ZKSCAN3: variants seen among roughly 807,000 people sequenced by gnomAD.
The protein encoded by ZKSCAN3 is zinc finger protein with KRAB and SCAN domains 3.
In ZKSCAN3, 21 loss-of-function variants were observed where a neutral mutation model predicts 30.7. The observed-to-expected ratio is 0.68, with a 90% CI of 0.49 to 0.99. The LOEUF is 0.99. Ranked by LOEUF, ZKSCAN3 falls within the 50% of genes least tolerant of loss-of-function variation. The pLI is 0.00. For synonymous variants in ZKSCAN3, 201 were observed against 246.7 expected (o/e 0.81, Z 1.73); for missense variants, 507 against 647.1 (o/e 0.78, Z 2.35).
rs771018060 is a variant in ZKSCAN3 at position 28,366,331 on chromosome 6, G to A, written c.*46G>A. ...GTTGGTGCTCATTTGTCACTGATCT[G>A]AAGCCACTCCCCCTGGAGTCTCAAC... On this transcript the variant is annotated 3_prime_UTR_variant, in exon 6 of 6. Coordinates refer to ENST00000252211, the MANE Select transcript of ZKSCAN3 (RefSeq NM_024493.4). 6.7e-7 allele frequency: 1 copy of A among 1,491,486 alleles called. No homozygotes were observed. The highest frequency in any genetic ancestry group is 1.4e-5 in the African/African-American group (1 of 71,528). The allele number at this position is 1,491,486 out of a possible 1,614,324, so 92.4% of individuals were successfully genotyped here.
At position 28,368,617 on chromosome 6, in the gene ZKSCAN3, CTT is replaced by C. The variant is rs10549833; in HGVS notation, c.*2335_*2336del. The C allele has an allele frequency of 0.23, 35,445 of 154,478 alleles. 4,862 individuals carry two copies. The highest frequency in any genetic ancestry group is 0.39 in the African/African-American group (15,975 of 41,470). The allele number at this position is 154,478 out of a possible 1,614,324, so 9.6% of individuals were successfully genotyped here. ...TTCGGAATGACTATTCTGCTGCAAA[CTT>C]TTGTGTAAGCGCTTCACCTTATTCC... On this transcript the variant is annotated 3_prime_UTR_variant, in exon 6 of 6. Coordinates refer to ENST00000252211, the MANE Select transcript of ZKSCAN3 (RefSeq NM_024493.4).
chr6:28,363,429 T>C, intron 4 of ZKSCAN3, 44 bp downstream of exon 4: 1 of 1,578,296 alleles, frequency 6.3e-7, no homozygotes, highest in Non-Finnish European at 8.7e-7. Context: ...CTCACTACTA[T>C]TGAGCTTCCT....
At position 28,368,515 on chromosome 6, in the gene ZKSCAN3, G is replaced by A; in HGVS notation, c.*2230G>A. 1 of 152,048 alleles carries A rather than the reference G, an allele frequency of 6.6e-6. No homozygotes were observed. The highest frequency in any genetic ancestry group is 1.5e-5 in the Non-Finnish European group (1 of 68,000). 9.4% of individuals were successfully genotyped at this position (152,048 alleles called of 1,614,324 possible). A position where few individuals can be genotyped will look rare whatever the true frequency, so the allele number is the denominator to read the frequency against. The stretch of plus-strand genomic sequence containing the variant: ...AAAATTTTAGTCTGTGTATTCAAGT[G>A]AGAAAATTTTTAGTCAGCATTATAC... On this transcript the variant is annotated 3_prime_UTR_variant, in exon 6 of 6. Coordinates refer to ENST00000252211, the MANE Select transcript of ZKSCAN3 (RefSeq NM_024493.4).
In ZKSCAN3 at chr6:28,361,306, A is replaced by G; in HGVS notation, c.403-18A>G. On this transcript the variant is annotated intron_variant, in intron 2 of 5. Transcript: ENST00000252211. ...AGTGTTTGATGAAAACATGAAAATA[A>G]GAACAAATGATTTCTAGGTTTCAGG... 6.2e-7 allele frequency: 1 copy of G among 1,608,794 alleles called. No individual in the cohort carries two copies. Among genetic ancestry groups the G allele is most frequent in the South Asian group, 1.1e-5 (1 of 89,238 alleles).
chr6:28,363,613 C>T lies in ZKSCAN3; in HGVS notation c.634-79C>T, dbSNP rs1436604588. ...TTACTAGCTGTTGGCAGGAATGGGG[C>T]CTGGGGGTGCTTCCCAGATCTTCCC... On this transcript the variant is annotated intron_variant, in intron 4 of 5. Transcript: ENST00000252211. 2.5e-6 allele frequency: 4 copies of T among 1,598,068 alleles called. No individual in the cohort carries two copies. In the East Asian group the frequency reaches 9.0e-5, roughly 36 times the overall value.
At chr6:28,361,848 C>T (rs11751487) in intron 3 of ZKSCAN3, among the ~76,000 whole-genome samples, 11,492 of 151,844 alleles carry the variant, frequency 0.076, 548 homozygotes, top group East Asian at 0.13. Context: ...ACTTCCTGGG[C>T]TCAAGCGATC....
intron 3 of ZKSCAN3, 113 bp downstream of exon 3, chr6:28,361,584 C>G: frequency 1.6e-6 from 2 of 1,238,526 alleles, no homozygotes; most frequent in African/African-American, 1.5e-5. Flanking sequence ...CAGATCAACT[C>G]TCATTTAAGA....
intron 1 of ZKSCAN3, chr6:28,353,916 T>C (rs1363457173): frequency 2.2e-6 from 1 of 455,638 alleles, no homozygotes; most frequent in East Asian, 6.9e-5. Context: ...AGGGGAGTTG[T>C]TGGATGGGTG....
intron 3 of ZKSCAN3, among the ~76,000 whole-genome samples, 183 bp downstream of exon 3, chr6:28,361,654 A>T (rs1473831267): frequency 1.3e-5 from 2 of 152,216 alleles, no homozygotes; most frequent in Admixed American, 6.5e-5. Context: ...CCAAGACTGG[A>T]CATAGTAAAT....
At chr6:28,353,949 G>A (rs1447064184) in intron 1 of ZKSCAN3, 2 of 454,918 alleles carry the variant, frequency 4.4e-6, no homozygotes, top group Non-Finnish European at 8.8e-6. Context: ...AAGAACACTC[G>A]GGGCTGTAGG....
chr6:28,363,252 G>T, intron 3 of ZKSCAN3, 51 bp from the exon 4 acceptor site: 1 of 1,503,530 alleles, frequency 6.7e-7, no homozygotes, highest in Non-Finnish European at 9.2e-7. Flanking sequence ...GCACAGGGCA[G>T]GGAGGCTGAA....
At chr6:28,355,159 A>G (rs1765339567) in intron 1 of ZKSCAN3, among the ~76,000 whole-genome samples, 3 of 152,146 alleles carry the variant, frequency 2.0e-5, no homozygotes, top group Admixed American at 1.3e-4. Context: ...CCATAACCTT[A>G]TCTTGCATTA....
In ZKSCAN3 at chr6:28,367,628, C is replaced by T. The variant is rs1350775114; in HGVS notation, c.*1343C>T. ...TAAAACAATAGATACTATCCTGCCC[C>T]ACCCTACCACCCAACACACACTGTA... On this transcript the variant is annotated 3_prime_UTR_variant, in exon 6 of 6. Coordinates refer to ENST00000252211, the MANE Select transcript of ZKSCAN3 (RefSeq NM_024493.4). 4 of 152,182 alleles carry T rather than the reference C, an allele frequency of 2.6e-5. No homozygotes were observed. The highest frequency in any genetic ancestry group is 2.1e-4 in the South Asian group (1 of 4,830). 9.4% of individuals were successfully genotyped at this position (152,182 alleles called of 1,614,324 possible). A position where few individuals can be genotyped will look rare whatever the true frequency, so the allele number is the denominator to read the frequency against.
chr6:28,363,941 C>G, intron 5 of ZKSCAN3, 126 bp downstream of exon 5: 1 of 1,260,946 alleles, frequency 7.9e-7, no homozygotes, highest in Admixed American at 2.3e-5. Flanking sequence ...TTTCTGAAAG[C>G]CTGTAACTGA....
intron 1 of ZKSCAN3, among the ~76,000 whole-genome samples, chr6:28,354,548 C>T (rs1765294715): frequency 6.6e-6 from 1 of 152,190 alleles, no homozygotes; most frequent in South Asian, 2.1e-4. Flanking sequence ...TCTGGGCACA[C>T]AGGCCCAATG....
intron 3 of ZKSCAN3, among the ~76,000 whole-genome samples, chr6:28,362,285 C>T (rs1252176534): frequency 1.3e-5 from 2 of 152,170 alleles, no homozygotes; most frequent in Non-Finnish European, 2.9e-5. Context: ...AGTGGGAAGT[C>T]TTATGCAGAA....
At chr6:28,364,927 C>A (rs990146546) in intron 5 of ZKSCAN3, among the ~76,000 whole-genome samples, 1 of 152,230 alleles carries the variant, frequency 6.6e-6, no homozygotes, top group East Asian at 1.9e-4. Context: ...GGGGTTTCAC[C>A]ATGTTGGCCA....
At chr6:28,361,855 G>A (rs1030563184) in intron 3 of ZKSCAN3, among the ~76,000 whole-genome samples, 3 of 151,782 alleles carry the variant, frequency 2.0e-5, no homozygotes, top group African/African-American at 7.3e-5. Flanking sequence ...GGGCTCAAGC[G>A]ATCCTCTGGA....
Position 28,361,389 on chromosome 6 carries a change from A to C in ZKSCAN3, c.468A>C (p.Pro156=), listed in dbSNP as rs1480273150. The stretch of plus-strand genomic sequence containing the variant: ...AGATGGCACTATTGACACCAGCCCC[A>C]GGGTCACAAAGTAGCCAATTTCAGC... ...CCKMALLTPA[P]GSQSSQFQLM... is the part of the protein sequence containing the mutation. The change falls in exon 3 of 6, where the codon CCA becomes CCC. Residue 156 remains proline, a synonymous_variant. Transcript: ENST00000252211. The C allele has an allele frequency of 2.5e-6, 4 of 1,613,990 alleles. No individual in the cohort carries two copies. Among genetic ancestry groups the C allele is most frequent in the Non-Finnish European group, 3.4e-6 (4 of 1,179,998 alleles).
Sources: gnomAD v4.1 joint callset for allele counts (sites outside exome capture counted in the v4.1 genomes callset) on GRCh38, gnomAD v4.1.1 for gene constraint, MANE v1.5 for transcripts, NCBI Gene and HGNC (gene_info 2026-07-23, HGNC 2026-07-21) for gene names.